GFOD1: variants seen among roughly 807,000 people sequenced by gnomAD.
GFOD1 encodes the protein Gfo/Idh/MocA-like oxidoreductase domain containing 1.
Under a neutral mutation model 25.4 loss-of-function variants are expected in GFOD1, and 9 were observed. The observed-to-expected ratio is 0.35, with a 90% confidence interval of 0.21 to 0.62. The LOEUF (loss-of-function observed/expected upper bound fraction) is 0.62. GFOD1 is among the 20% of genes least tolerant of loss of function. The probability of loss-of-function intolerance (pLI) is 0.72; values close to 1 mark genes in which losing one functional copy is unlikely to be tolerated. For missense variants in GFOD1, 403 were observed against 556.9 expected, an observed-to-expected ratio of 0.72 and a Z score of 2.78; for synonymous variants, 253 against 245.6, an observed-to-expected ratio of 1.03 and a Z score of -0.28.
At chr6:13,377,955 C>T (rs901178793) in intron 1 of GFOD1, among the ~76,000 whole-genome samples, 1 of 152,138 alleles carries the variant, frequency 6.6e-6, no homozygotes, top group Non-Finnish European at 1.5e-5. Flanking sequence ...GATTGTGTCC[C>T]CACCTCTGGG....
intron 1 of GFOD1, among the ~76,000 whole-genome samples, chr6:13,440,819 G>C (rs968391392): frequency 6.6e-6 from 1 of 152,114 alleles, no homozygotes; most frequent in Admixed American, 6.5e-5. Context: ...TGCTTATTTT[G>C]TTATTTTTAA....
intron 1 of GFOD1, among the ~76,000 whole-genome samples, chr6:13,383,139 T>G (rs1474625764): frequency 6.6e-6 from 1 of 152,248 alleles, no homozygotes; most frequent in South Asian, 2.1e-4. Context: ...TATGCATGCA[T>G]GTATCTTTGT....
rs184938531 is a variant in GFOD1, at chr6:13,442,855, T to C, written c.253+43783A>G. On this transcript the variant is annotated intron_variant, in intron 1 of 1. Coordinates refer to ENST00000379287, the MANE Select transcript of GFOD1 (RefSeq NM_018988.4). ...TCCCAGGAGATGAGTGTTGTTTTCA[T>C]GCCTGTAGCCCATGGATCAAAGAGC... Among the ~76,000 whole-genome samples the C allele has an allele frequency of 1.7e-4, 26 of 152,386 alleles. No homozygotes were observed. In the East Asian group the frequency reaches 5.0e-3, roughly 29 times the overall value.
intron 1 of GFOD1, among the ~76,000 whole-genome samples, chr6:13,471,047 G>A (rs781287887): frequency 1.4e-4 from 22 of 152,222 alleles, no homozygotes; most frequent in East Asian, 3.9e-4. Flanking sequence ...CTCTCCCCTC[G>A]GCTGAAGGAA....
intron 1 of GFOD1, among the ~76,000 whole-genome samples, chr6:13,437,067 A>G (rs575018237): frequency 6.6e-6 from 1 of 152,282 alleles, no homozygotes; most frequent in East Asian, 1.9e-4. Flanking sequence ...TTCAGAGGGA[A>G]AGTGTGAGTA....
At chr6:13,384,514 T>C (rs531256) in intron 1 of GFOD1, among the ~76,000 whole-genome samples, 86,366 of 152,000 alleles carry the variant, frequency 0.57, 24,835 homozygotes, top group East Asian at 0.73. Flanking sequence ...TCCTGAAACG[T>C]AGGAGCCTTC....
chr6:13,444,288 T>C (rs572421802), intron 1 of GFOD1, among the ~76,000 whole-genome samples: 1 of 151,952 alleles, frequency 6.6e-6, no homozygotes, highest in South Asian at 2.1e-4. Context: ...TGTTCTCACT[T>C]ACAAGTGAAA....
intron 1 of GFOD1, among the ~76,000 whole-genome samples, chr6:13,366,950 A>T (rs1785059679): frequency 6.6e-6 from 1 of 151,994 alleles, no homozygotes; most frequent in Non-Finnish European, 1.5e-5. Context: ...ATATAAACCT[A>T]TAACATTTTA....
intron 1 of GFOD1, among the ~76,000 whole-genome samples, chr6:13,434,760 A>G (rs562592938): frequency 3.9e-5 from 6 of 152,370 alleles, no homozygotes; most frequent in East Asian, 1.9e-4. Context: ...TACTCCTTGA[A>G]GACAGTAAAT....
chr6:13,370,711 A>ATGTGTGTGTGTGTGTATATGTGTTTATG (rs1785135940), intron 1 of GFOD1, among the ~76,000 whole-genome samples: 2 of 111,558 alleles, frequency 1.8e-5, no homozygotes, highest in African/African-American at 6.6e-5. Flanking sequence ...ATATGTGTTT[A>ATGTGTGTGTGTGTGTATATGTGTTTATG]TGTGTGTGTG....
At chr6:13,422,883 G>A (rs1245337062) in intron 1 of GFOD1, among the ~76,000 whole-genome samples, 1 of 152,300 alleles carries the variant, frequency 6.6e-6, no homozygotes, top group Non-Finnish European at 1.5e-5. Flanking sequence ...TCGGTGTGGC[G>A]AGGTAGGCTT....
At chr6:13,435,537 A>C (rs1757820287) in intron 1 of GFOD1, among the ~76,000 whole-genome samples, 1 of 152,196 alleles carries the variant, frequency 6.6e-6, no homozygotes. Context: ...CCATCCCTCC[A>C]GGTGGGTTTG....
intron 1 of GFOD1, among the ~76,000 whole-genome samples, chr6:13,468,658 A>C (rs551527562): frequency 5.7e-4 from 87 of 152,292 alleles, no homozygotes; most frequent in African/African-American, 2.0e-3. Flanking sequence ...AACCTGGATA[A>C]GCCACTCAGT....
chr6:13,444,425 T>G (rs920785891), intron 1 of GFOD1, among the ~76,000 whole-genome samples: 3 of 150,192 alleles, frequency 2.0e-5, no homozygotes, highest in African/African-American at 7.3e-5. Context: ...AAGCTTAGTA[T>G]CTGGGTGACA....
chr6:13,382,424 A>G (rs1282216183), intron 1 of GFOD1, among the ~76,000 whole-genome samples: 2 of 151,924 alleles, frequency 1.3e-5, no homozygotes, highest in African/African-American at 4.8e-5. Flanking sequence ...TTATAAAGAG[A>G]AGTTCCCCTG....
intron 1 of GFOD1, among the ~76,000 whole-genome samples, chr6:13,420,462 G>T (rs1376214826): frequency 6.6e-6 from 1 of 152,224 alleles, no homozygotes; most frequent in Non-Finnish European, 1.5e-5. Flanking sequence ...GCTAGCTTGA[G>T]AGTGGAACAC....
At chr6:13,397,842 T>G (rs963398089) in intron 1 of GFOD1, among the ~76,000 whole-genome samples, 2 of 152,344 alleles carry the variant, frequency 1.3e-5, no homozygotes, top group South Asian at 2.1e-4. Context: ...TGAAACATAT[T>G]TTATATGAAA....
intron 1 of GFOD1, among the ~76,000 whole-genome samples, chr6:13,474,143 G>C (rs1470124915): frequency 6.6e-6 from 1 of 152,192 alleles, no homozygotes; most frequent in Non-Finnish European, 1.5e-5. Context: ...ACTTTGGGAG[G>C]CCAAGGCGGG....
At chr6:13,468,331 T>C (rs975263680) in intron 1 of GFOD1, among the ~76,000 whole-genome samples, 8 of 152,200 alleles carry the variant, frequency 5.3e-5, no homozygotes, top group African/African-American at 1.7e-4. Context: ...ATAATTCTAA[T>C]GGCTATTTAG....
Sources: gnomAD v4.1 joint callset for allele counts (sites outside exome capture counted in the v4.1 genomes callset) on GRCh38, gnomAD v4.1.1 for gene constraint, MANE v1.5 for transcripts, NCBI Gene and HGNC (gene_info 2026-07-23, HGNC 2026-07-21) for gene names.